RHAG: variants seen among roughly 807,000 people sequenced by gnomAD.
The protein encoded by RHAG is ammonium transporter Rh type A.
In RHAG, 25 loss-of-function variants were observed where a neutral mutation model predicts 42.4. The ratio of observed to expected loss-of-function variants is 0.59; its 90% CI spans 0.43 to 0.82. The LOEUF (loss-of-function observed/expected upper bound fraction) is 0.82, where lower values mean the gene tolerates loss of function less well. Among genes scored for constraint, RHAG ranks in the 40% least tolerant of loss-of-function variants. The pLI is 0.00. For synonymous variants in RHAG, 182 were observed against 177.7 expected, an observed-to-expected ratio of 1.02 and a Z score of -0.19; for missense variants, 483 against 504.6, an observed-to-expected ratio of 0.96 and a Z score of 0.41.
chr6:49,632,005 T>C (rs760200632), intron 1 of RHAG: 2 of 152,096 alleles, frequency 1.3e-5, no homozygotes, highest in African/African-American at 4.8e-5. Context: ...TTCACCTCTA[T>C]CTTCAGTGGT....
chr6:49,624,359 C>T (rs548765378), intron 1 of RHAG, among the ~76,000 whole-genome samples: 4 of 152,254 alleles, frequency 2.6e-5, no homozygotes, highest in African/African-American at 7.2e-5. Flanking sequence ...GCGTGTGCCA[C>T]CACACCTGGT....
At chr6:49,616,746 G>T (rs718233) in intron 3 of RHAG, among the ~76,000 whole-genome samples, 33,963 of 152,042 alleles carry the variant, frequency 0.22, 4,316 homozygotes, top group Non-Finnish European at 0.3. Flanking sequence ...GACATAGACA[G>T]ACCCAGTCCC....
At chr6:49,615,529 A>G (rs928179403) in intron 4 of RHAG, 95 bp downstream of exon 4, 2 of 1,380,884 alleles carry the variant, frequency 1.4e-6, no homozygotes, top group Non-Finnish European at 2.1e-6. Context: ...CCTGGCTTGG[A>G]TGTTCTTTTT....
chr6:49,605,521 G>A lies in RHAG; in HGVS notation c.*292C>T, dbSNP rs927512664. 7.2e-5 allele frequency: 35 copies of A among 483,944 alleles called. No individual in the cohort carries two copies. The highest frequency in any genetic ancestry group is 1.2e-4 in the Non-Finnish European group (31 of 265,150). 30.0% of individuals were successfully genotyped at this position (483,944 alleles called of 1,614,324 possible). A position where few individuals can be genotyped will look rare whatever the true frequency, so the allele number is the denominator to read the frequency against. ...ACTCTGTATTTACTCACTGCCAAAA[G>A]CTTTTTGGGAATCCTGGAGAAGATC... On this transcript the variant is annotated 3_prime_UTR_variant, in exon 10 of 10. Transcript: ENST00000371175.
rs772116781 is a variant in RHAG, at chr6:49,612,386, G to C, written c.945+11C>G. The C allele has an allele frequency of 6.2e-7, 1 of 1,613,898 alleles. No individual in the cohort carries two copies. Among genetic ancestry groups the C allele is most frequent in the Non-Finnish European group, 8.5e-7 (1 of 1,179,774 alleles). ...ATTCAGAGTTTGACTCAGAACATCT[G>C]CTGTACTTACAGTCAGGAACTTGTA... On this transcript the variant is annotated intron_variant, in intron 6 of 9. Transcript: ENST00000371175.
intron 1 of RHAG, among the ~76,000 whole-genome samples, chr6:49,629,787 C>T (rs1045312118): frequency 6.6e-6 from 1 of 152,210 alleles, no homozygotes; most frequent in Non-Finnish European, 1.5e-5. Context: ...AGCCGCTGGC[C>T]CTGGTGCTAA....
chr6:49,612,325 T>A, intron 6 of RHAG, 72 bp downstream of exon 6: 2 of 1,527,794 alleles, frequency 1.3e-6, no homozygotes, highest in Non-Finnish European at 1.8e-6. Context: ...AGTAGCTTTT[T>A]TTCTGCTGGT....
At chr6:49,607,315 G>T in intron 7 of RHAG, 95 bp from the exon 8 acceptor site, 1 of 890,880 alleles carries the variant, frequency 1.1e-6, no homozygotes, top group Non-Finnish European at 1.9e-6. Flanking sequence ...CCATCTTCAG[G>T]CCAGAGTGTA....
At chr6:49,634,900 A>G (rs1762984894) in intron 1 of RHAG, among the ~76,000 whole-genome samples, 3 of 150,326 alleles carry the variant, frequency 2.0e-5, no homozygotes. Context: ...GATCACTACA[A>G]TCAAGCTAGT....
Position 49,636,799 on chromosome 6 carries a change from A to C in RHAG, c.14T>G (p.Phe5Cys). Residue 5 changes from phenylalanine to cysteine, a missense_variant, in exon 1 of 10, where the codon TTC (phenylalanine) becomes TGC (cysteine). Phe to Cys is a radical substitution (Grantham distance 205, BLOSUM62 -2). Transcript: ENST00000371175. ...TTCCAGGACTATAGCCATGAGAGGG[A>C]ATGTGAACCTCATGTTTGTGGCAAA... is the stretch of plus-strand genomic sequence containing the variant. MRFTFPLMAIVLEIA... is the reference protein window; with the variant it reads MRFTCPLMAIVLEIA... 6.2e-7 allele frequency: 1 copy of C among 1,613,860 alleles called. No homozygotes were observed. Among genetic ancestry groups the C allele is most frequent in the Non-Finnish European group, 8.5e-7 (1 of 1,179,744 alleles).
At chr6:49,617,131 T>C (rs1312817042) in intron 3 of RHAG, among the ~76,000 whole-genome samples, 9 of 152,198 alleles carry the variant, frequency 5.9e-5, no homozygotes, top group Non-Finnish European at 1.3e-4. Context: ...CACCTTACTC[T>C]AGAAGTTTTC....
chr6:49,611,782 C>T lies in RHAG; in HGVS notation c.945+615G>A, dbSNP rs533347691. 5.3e-5 allele frequency among the ~76,000 whole-genome samples: 8 copies of T among 151,356 alleles called. No individual in the cohort carries two copies. In the East Asian group the frequency reaches 7.8e-4, roughly 15 times the overall value. On this transcript the variant is annotated intron_variant, in intron 6 of 9. Coordinates refer to ENST00000371175, the MANE Select transcript of RHAG (RefSeq NM_000324.3). The stretch of plus-strand genomic sequence containing the variant: ...TTTGAGACAGAGTCTCACTCCATTG[C>T]CCAGGCTGGAGGGTAATGGTGCCAT...
intron 2 of RHAG, 102 bp from the exon 3 acceptor site, chr6:49,618,320 G>A (rs1433274593): frequency 3.4e-5 from 42 of 1,244,256 alleles, no homozygotes; most frequent in Non-Finnish European, 4.8e-5. Context: ...TGCTTCCCAG[G>A]CTTACTCATC....
At chr6:49,614,951 T>C in intron 4 of RHAG, 98 bp from the exon 5 acceptor site, 1 of 1,158,528 alleles carries the variant, frequency 8.6e-7, no homozygotes, top group Non-Finnish European at 1.2e-6. Context: ...TTTATTTGTT[T>C]ATTTATTTAT....
Position 49,607,184 on chromosome 6 carries a change from A to C in RHAG, c.1104T>G (p.Ser368=), listed in dbSNP as rs1272253724. ...MAMQAAALGS[S]IGTAVVGGLM... ...GACCTCCAACAACTGCTGTTCCGAT[A>C]GAGGAACCCAGTGCAGCTGCCTGCA... Residue 368 remains serine (S), a synonymous_variant, in exon 8 of 10, where the codon TCT becomes TCG. Coordinates refer to ENST00000371175, the MANE Select transcript of RHAG (RefSeq NM_000324.3). 6.2e-7 allele frequency: 1 copy of C among 1,613,716 alleles called. No homozygotes were observed. The highest frequency in any genetic ancestry group is 8.5e-7 in the Non-Finnish European group (1 of 1,179,894).
intron 1 of RHAG, among the ~76,000 whole-genome samples, chr6:49,634,285 C>A (rs960550425): frequency 2.0e-5 from 3 of 152,060 alleles, no homozygotes; most frequent in Non-Finnish European, 2.9e-5. Flanking sequence ...TTTCCCTGTT[C>A]CAACACCCTT....
chr6:49,621,998 T>C (rs1371929628), intron 1 of RHAG, among the ~76,000 whole-genome samples: 2 of 151,876 alleles, frequency 1.3e-5, no homozygotes, highest in African/African-American at 2.4e-5. Context: ...TTTTTTTTTT[T>C]CTTAGAGCAC....
chr6:49,633,217 A>G lies in RHAG; in HGVS notation c.157+3439T>C, dbSNP rs76175773. Among the ~76,000 whole-genome samples, 778 of 152,272 alleles carry G rather than the reference A, an allele frequency of 5.1e-3. 17 individuals are homozygous for G. The highest frequency in any genetic ancestry group is 8.9e-3 in the East Asian group (46 of 5,180). On this transcript the variant is annotated intron_variant, in intron 1 of 9. Coordinates refer to ENST00000371175, the MANE Select transcript of RHAG (RefSeq NM_000324.3). ...TACTCAAATCTTTTACCACACTACA[A>G]TTGAGAACTATCATAATGTACTGTG...
intron 1 of RHAG, chr6:49,631,942 C>G (rs1422483566): frequency 6.6e-6 from 1 of 152,134 alleles, no homozygotes; most frequent in African/African-American, 2.4e-5. Context: ...TTTGCTGAAT[C>G]TTTTGGTGAA....
Sources: allele counts gnomAD v4.1 joint callset (sites outside exome capture counted in the v4.1 genomes callset), GRCh38; gene constraint gnomAD v4.1.1; transcripts MANE v1.5; gene names NCBI Gene and HGNC (gene_info 2026-07-23, HGNC 2026-07-21).